Variants in ACYP2 observed in about 807,000 individuals in gnomAD.
The protein encoded by ACYP2 is acylphosphatase-2.
In ACYP2, 12 loss-of-function variants were observed where a neutral mutation model predicts 11.2. The observed-to-expected ratio is 1.08, with a 90% CI of 0.69 to 1.74. ACYP2 has a LOEUF of 1.74. ACYP2 is among the 40% of genes most tolerant of loss of function. The pLI, the probability that ACYP2 is intolerant of heterozygous loss-of-function variation, is 0.00. For missense variants in ACYP2, 134 were observed against 101.9 expected (o/e 1.31, Z -1.35); for synonymous variants, 43 against 32.2 (o/e 1.33, Z -1.13).
intron 2 of ACYP2, among the ~76,000 whole-genome samples, chr2:54,027,297 C>T (rs1573551032): frequency 6.6e-6 from 1 of 152,248 alleles, no homozygotes; most frequent in Admixed American, 6.5e-5. Context: ...CTGAAGCAGA[C>T]CATAAAAACT....
At chr2:54,250,393 A>C (rs1401035734) in intron 6 of ACYP2, among the ~76,000 whole-genome samples, 1 of 150,644 alleles carries the variant, frequency 6.6e-6, no homozygotes, top group Non-Finnish European at 1.5e-5. Context: ...GAATCACTTG[A>C]ACCTGGGGAG....
intron 4 of ACYP2, among the ~76,000 whole-genome samples, chr2:54,075,622 G>A (rs1167917381): frequency 1.3e-5 from 2 of 152,044 alleles, no homozygotes; most frequent in Admixed American, 6.6e-5. Flanking sequence ...AGACCAGCGT[G>A]GCCAATATGG....
chr2:54,183,395 C>T (rs1391922411), intron 6 of ACYP2, among the ~76,000 whole-genome samples: 1 of 152,042 alleles, frequency 6.6e-6, no homozygotes, highest in Non-Finnish European at 1.5e-5. Context: ...ATATCAGGCA[C>T]ATGGCTTATG....
At chr2:54,205,567 T>A (rs925552004) in intron 6 of ACYP2, among the ~76,000 whole-genome samples, 1 of 152,228 alleles carries the variant, frequency 6.6e-6, no homozygotes, top group Non-Finnish European at 1.5e-5. Context: ...TCACATCCTG[T>A]TGCTGTGAGG....
At chr2:54,172,323 C>T (rs1683253215) in intron 6 of ACYP2, among the ~76,000 whole-genome samples, 1 of 152,114 alleles carries the variant, frequency 6.6e-6, no homozygotes, top group Admixed American at 6.6e-5. Flanking sequence ...AAAGTCATTA[C>T]TTAAGGCAAA....
intron 2 of ACYP2, among the ~76,000 whole-genome samples, chr2:54,042,226 G>A (rs137931504): frequency 0.024 from 3,713 of 152,178 alleles, 147 homozygotes; most frequent in African/African-American, 0.086. Flanking sequence ...GGCTGGTCTC[G>A]AACTCTCAAC....
At chr2:53,988,872 T>G (rs1017301637) in intron 2 of ACYP2, among the ~76,000 whole-genome samples, 23 of 152,020 alleles carry the variant, frequency 1.5e-4, no homozygotes, top group African/African-American at 5.6e-4. Flanking sequence ...TTAGGCTCCT[T>G]AGCAGCTGGG....
chr2:54,061,284 G>A (rs938733781), intron 4 of ACYP2, among the ~76,000 whole-genome samples: 2 of 152,142 alleles, frequency 1.3e-5, no homozygotes, highest in Admixed American at 1.3e-4. Context: ...TTGACTTGCT[G>A]GGGTTATTTT....
At chr2:54,119,843 G>A (rs1680042120) in intron 4 of ACYP2, among the ~76,000 whole-genome samples, 1 of 152,062 alleles carries the variant, frequency 6.6e-6, no homozygotes, top group Admixed American at 6.6e-5. Flanking sequence ...GATACATTTA[G>A]CCCCCTTGCC....
intron 6 of ACYP2, among the ~76,000 whole-genome samples, chr2:54,280,032 T>C (rs900464604): frequency 6.6e-6 from 1 of 152,170 alleles, no homozygotes; most frequent in African/African-American, 2.4e-5. Flanking sequence ...TCATCATTCC[T>C]GACCAAGACC....
chr2:54,187,947 TG>T (rs1224206210), intron 6 of ACYP2, among the ~76,000 whole-genome samples: 1 of 152,172 alleles, frequency 6.6e-6, no homozygotes, highest in East Asian at 1.9e-4. Context: ...TTTCCTCTTC[TG>T]CCATGTGAGA....
intron 6 of ACYP2, among the ~76,000 whole-genome samples, chr2:54,222,695 T>G (rs1351653129): frequency 1.3e-5 from 2 of 152,146 alleles, no homozygotes; most frequent in African/African-American, 4.8e-5. Flanking sequence ...AGACCCAAAT[T>G]GCTGTTTTTT....
chr2:54,060,875 A>T (rs796344201), intron 4 of ACYP2, among the ~76,000 whole-genome samples: 1 of 151,580 alleles, frequency 6.6e-6, no homozygotes, highest in Admixed American at 6.6e-5. Flanking sequence ...TTTCATTTGT[A>T]TCCTAGCTTT....
intron 6 of ACYP2, among the ~76,000 whole-genome samples, chr2:54,250,171 C>T (rs1194844470): frequency 6.6e-6 from 1 of 152,028 alleles, no homozygotes; most frequent in Non-Finnish European, 1.5e-5. Flanking sequence ...AATTCTGGAC[C>T]CCTCTACTTT....
intron 4 of ACYP2, among the ~76,000 whole-genome samples, chr2:54,068,624 G>A (rs1676866039): frequency 6.6e-6 from 1 of 152,136 alleles, no homozygotes; most frequent in Non-Finnish European, 1.5e-5. Context: ...TTCTGTTGTT[G>A]GATATTATGA....
chr2:54,041,026 G>T (rs1464806083), intron 2 of ACYP2, among the ~76,000 whole-genome samples: 1 of 152,154 alleles, frequency 6.6e-6, no homozygotes, highest in Non-Finnish European at 1.5e-5. Flanking sequence ...TGAGTAGGTG[G>T]TGTCTGGTTC....
At chr2:54,287,357 C>T (rs1302886639) in intron 6 of ACYP2, among the ~76,000 whole-genome samples, 1 of 151,952 alleles carries the variant, frequency 6.6e-6, no homozygotes, top group Admixed American at 6.5e-5. Context: ...CTAATCACCT[C>T]CTAAATGCCT....
At chr2:54,215,093 T>G (rs944448992) in intron 6 of ACYP2, among the ~76,000 whole-genome samples, 1 of 152,198 alleles carries the variant, frequency 6.6e-6, no homozygotes, top group Non-Finnish European at 1.5e-5. Flanking sequence ...TTTTTGTATA[T>G]TGATTTTGTA....
At chr2:54,230,518 G>T (rs767837875) in intron 6 of ACYP2, among the ~76,000 whole-genome samples, 4 of 151,724 alleles carry the variant, frequency 2.6e-5, no homozygotes, top group Non-Finnish European at 5.9e-5. Flanking sequence ...CTATGCGCCT[G>T]GCCACACCCG....
Sources: gnomAD v4.1 joint callset for allele counts (sites outside exome capture counted in the v4.1 genomes callset) on GRCh38, gnomAD v4.1.1 for gene constraint, MANE v1.5 for transcripts, NCBI Gene and HGNC (gene_info 2026-07-23, HGNC 2026-07-21) for gene names.